The following TSLP variants were observed in gnomAD, a reference collection of about 807,000 sequenced individuals.
The protein encoded by TSLP is thymic stroma-derived lymphopoietin.
A neutral mutation model predicts 12.4 loss-of-function variants in TSLP; 12 were observed. The observed-to-expected ratio is 0.97, with a 90% confidence interval of 0.62 to 1.57. The LOEUF is 1.57. Among genes scored for constraint, TSLP ranks in the 40% most tolerant of loss-of-function variants. TSLP has a pLI of 0.00. For synonymous variants in TSLP, 97 were observed against 69.5 expected (o/e 1.40, Z -1.97); for missense variants, 222 against 189.6 (o/e 1.17, Z -1.00).
chr5:111,070,563 C>A (rs1055738875), upstream of TSLP: 2 of 152,652 alleles, frequency 1.3e-5, no homozygotes, highest in African/African-American at 4.8e-5. Context: ...CGGCCTTTCC[C>A]TCCCTTCAAC....
At position 111,076,173 on chromosome 5, in the gene TSLP, T is replaced by C; in HGVS notation, c.*99T>C. 1 of 1,362,496 alleles carries C rather than the reference T, an allele frequency of 7.3e-7. No individual in the cohort carries two copies. The highest frequency in any genetic ancestry group is 1.0e-6 in the Non-Finnish European group (1 of 977,970). 84.4% of individuals were successfully genotyped at this position (1,362,496 alleles called of 1,614,324 possible). A position where few individuals can be genotyped will look rare whatever the true frequency, so the allele number is the denominator to read the frequency against. ...TAACTGTGACAAAGAAGACCACAAA[T>C]AGTTATCTTTTAATTACAGAAGAGT... On this transcript the variant is annotated 3_prime_UTR_variant, in exon 4 of 4. Coordinates refer to ENST00000344895, the MANE Select transcript of TSLP (RefSeq NM_033035.5).
chr5:111,072,867 T>C (rs367641027), intron 1 of TSLP, 21 bp from the exon 2 acceptor site: 6 of 1,613,746 alleles, frequency 3.7e-6, no homozygotes, highest in African/African-American at 2.7e-5. Flanking sequence ...ACCCTCTTTG[T>C]CCTATTTTTC....
Position 111,073,526 on chromosome 5 carries a change from G to A in TSLP, c.232G>A (p.Glu78Lys). The change falls in exon 3 of 4, where the codon GAA becomes AAA. Residue 78 changes from glutamate to lysine, a missense_variant. By Grantham distance (56) the Glu-to-Lys change is moderately conservative. Coordinates refer to ENST00000344895, the MANE Select transcript of TSLP (RefSeq NM_033035.5). ...CTATGAGCAGCCACATTGCCTTACTGAAATCCAGAGCCTAACCTTCAATCC... is the reference window on the plus strand; with the variant it reads ...CTATGAGCAGCCACATTGCCTTACTAAAATCCAGAGCCTAACCTTCAATCC... Reference protein sequence around the residue: ...SCSNRPHCLTEIQSLTFNPTA... With the variant: ...SCSNRPHCLTKIQSLTFNPTA... The A allele has an allele frequency of 5.0e-6, 8 of 1,614,096 alleles. No homozygotes were observed. The highest frequency in any genetic ancestry group is 4.2e-6 in the Non-Finnish European group (5 of 1,180,030).
chr5:111,070,178 G>C (rs1319792775), upstream of TSLP: 1 of 152,330 alleles, frequency 6.6e-6, no homozygotes, highest in South Asian at 2.1e-4. Flanking sequence ...GTGAATCAGA[G>C]GTTTTCTGAC....
rs1307868352 is a variant in TSLP at position 111,076,766 on chromosome 5, T to C, written c.*692T>C. On this transcript the variant is annotated 3_prime_UTR_variant, in exon 4 of 4. Coordinates refer to ENST00000344895, the MANE Select transcript of TSLP (RefSeq NM_033035.5). The stretch of plus-strand genomic sequence containing the variant: ...GTTCCTTTGTAATTGACACTATATA[T>C]TTCTTAATAAAATAATTCTCAAATT... The C allele has an allele frequency of 2.0e-5, 3 of 152,230 alleles. No individual in the cohort carries two copies. The highest frequency in any genetic ancestry group is 4.4e-5 in the Non-Finnish European group (3 of 68,042). The allele number at this position is 152,230 out of a possible 1,614,324, so 9.4% of individuals were successfully genotyped here.
At position 111,073,392 on chromosome 5, in the gene TSLP, G is replaced by A. The variant is rs182160822; in HGVS notation, c.217-119G>A. On this transcript the variant is annotated intron_variant, in intron 2 of 3. Transcript: ENST00000344895. ...CCCTGACCTCTTCTCTCTGACTCTC[G>A]ACTTGTGTTCCCCGCTCCTCCCTGA... 3.2e-5 allele frequency: 49 copies of A among 1,552,516 alleles called. No homozygotes were observed. In the African/African-American group the frequency reaches 6.1e-4, roughly 19 times the overall value.
chr5:111,073,704 G>A, intron 3 of TSLP, 59 bp downstream of exon 3: 1 of 1,542,024 alleles, frequency 6.5e-7, no homozygotes, highest in Non-Finnish European at 8.9e-7. Context: ...ATTAAACTGG[G>A]GCTTTGGTGC....
Position 111,073,520 on chromosome 5 carries a change from C to T in TSLP, c.226C>T (p.Leu76Phe). The part of the protein sequence containing the change: ...TVSCSNRPHC[L>F]TEIQSLTFNP... ...TGCCGCCTATGAGCAGCCACATTGC[C>T]TTACTGAAATCCAGAGCCTAACCTT... Residue 76 changes from leucine to phenylalanine, a missense_variant, in exon 3 of 4, where the codon CTT becomes TTT. Leu to Phe is a conservative substitution (Grantham distance 22, BLOSUM62 0). Transcript: ENST00000344895. 6.2e-7 allele frequency: 1 copy of T among 1,614,154 alleles called. No individual in the cohort carries two copies. Among genetic ancestry groups the T allele is most frequent in the Non-Finnish European group, 8.5e-7 (1 of 1,180,032 alleles).
Position 111,073,827 on chromosome 5 carries a change from C to T in TSLP, c.351+182C>T, listed in dbSNP as rs193235933. On this transcript the variant is annotated intron_variant, in intron 3 of 3. Coordinates refer to ENST00000344895, the MANE Select transcript of TSLP (RefSeq NM_033035.5). ...CGTTGATACCCGGAATCAAACTCAC[C>T]TATTTCTACGGTTCTGATACTGTTT... is the stretch of plus-strand genomic sequence containing the variant. Among the ~76,000 whole-genome samples, 18 of 152,326 alleles carry T rather than the reference C, an allele frequency of 1.2e-4. No individual in the cohort carries two copies. The East Asian group carries it at 2.3e-3, about 20-fold the overall frequency.
chr5:111,072,149 A>G, intron 1 of TSLP, 88 bp downstream of exon 1: 3 of 1,169,082 alleles, frequency 2.6e-6, no homozygotes, highest in Non-Finnish European at 3.5e-6. Context: ...TGTAGGAAAG[A>G]AAAATAATTT....
chr5:111,075,955 AC>A lies in TSLP; in HGVS notation c.362del (p.Thr121IlefsTer4). The A allele has an allele frequency of 6.2e-7, 1 of 1,613,470 alleles. No homozygotes were observed. The highest frequency in any genetic ancestry group is 1.7e-5 in the Admixed American group (1 of 59,732). On this transcript the variant is annotated frameshift_variant, in exon 4 of 4. Transcript: ENST00000344895. LOFTEE classifies it low-confidence loss of function (END_TRUNC). ...PGYSETQINATQAMKKRRKRK... is the reference protein window; with the variant it reads ...PGYSETQINAXQAMKKRRKRK... ...TTCTTATATTCTGCAGATAAATGCT[AC>A]TCAGGCAATGAAGAAGAGGAGAAAA...
rs367774640 is a variant in TSLP, at chr5:111,073,676, C to T, written c.351+31C>T. On this transcript the variant is annotated intron_variant, in intron 3 of 3. Transcript: ENST00000344895. Reference sequence around the variant, plus strand: ...CCCGAAGCCTCAGACGTTTGCTGTACCTTGGGGCTAACCTCAAATTAAACT... The same window carrying T: ...CCCGAAGCCTCAGACGTTTGCTGTATCTTGGGGCTAACCTCAAATTAAACT... 18 of 1,602,412 alleles carry T rather than the reference C, an allele frequency of 1.1e-5. No individual in the cohort carries two copies. The African/African-American group carries it at 2.0e-4, about 18-fold the overall frequency.
Position 111,071,850 on chromosome 5 carries a change from A to G in TSLP, c.-41A>G, listed in dbSNP as rs766846474. 16 of 1,598,066 alleles carry G rather than the reference A, an allele frequency of 1.0e-5. No individual in the cohort carries two copies. Among genetic ancestry groups the G allele is most frequent in the Non-Finnish European group, 1.3e-5 (15 of 1,168,962 alleles). On this transcript the variant is annotated 5_prime_UTR_variant, in exon 1 of 4. Coordinates refer to ENST00000344895, the MANE Select transcript of TSLP (RefSeq NM_033035.5). ...CAGATCTCTTACACTCGTGGTGGGA[A>G]GAGTTTAGTGTGAAACTGGGGTGGA...
Position 111,071,777 on chromosome 5 carries a change from G to A in TSLP, c.-114G>A, listed in dbSNP as rs1468459767. The A allele has an allele frequency of 2.2e-6, 3 of 1,381,836 alleles. No individual in the cohort carries two copies. The highest frequency in any genetic ancestry group is 3.0e-6 in the Non-Finnish European group (3 of 1,006,526). 85.6% of individuals were successfully genotyped at this position (1,381,836 alleles called of 1,614,324 possible). On this transcript the variant is annotated 5_prime_UTR_variant, in exon 1 of 4. The change abolishes an upstream ATG in the 5' untranslated region. Transcript: ENST00000344895. ...TAAGGGCTTCCTGTGGACTGGCAAT[G>A]AGAGGCAAAACCTGGTGCTTGAGCA...
intron 3 of TSLP, among the ~76,000 whole-genome samples, chr5:111,074,871 G>A (rs1220514916): frequency 6.6e-6 from 1 of 151,998 alleles, no homozygotes; most frequent in African/African-American, 2.4e-5. Flanking sequence ...GCCTGCCTCG[G>A]CCTCCCAAAG....
chr5:111,072,798 T>A (rs1688392851), intron 1 of TSLP, 90 bp from the exon 2 acceptor site: 9 of 1,390,540 alleles, frequency 6.5e-6, no homozygotes, highest in Non-Finnish European at 9.2e-6. Context: ...TCAGGGCACC[T>A]TTAAAGCCTG....
At chr5:111,073,230 C>T (rs1020333754) in intron 2 of TSLP, 1 of 1,353,336 alleles carries the variant, frequency 7.4e-7, no homozygotes, top group Non-Finnish European at 9.7e-7. Flanking sequence ...CGCTCGGGCT[C>T]GGAATTTTGG....
At chr5:111,073,332 C>T (rs1752395411) in intron 2 of TSLP, 179 bp from the exon 3 acceptor site, 7 of 1,448,086 alleles carry the variant, frequency 4.8e-6, no homozygotes, top group Non-Finnish European at 1.8e-6. Context: ...CACGCCCCTG[C>T]TCCCCCGCGG....
intron 1 of TSLP, among the ~76,000 whole-genome samples, chr5:111,072,538 T>G (rs990977193): frequency 2.0e-5 from 3 of 152,172 alleles, no homozygotes; most frequent in Non-Finnish European, 4.4e-5. Flanking sequence ...TTTTCCTGAT[T>G]AACCTAATTT....
Sources: allele counts gnomAD v4.1 joint callset (sites outside exome capture counted in the v4.1 genomes callset), GRCh38; gene constraint gnomAD v4.1.1; transcripts MANE v1.5; gene names NCBI Gene and HGNC (gene_info 2026-07-23, HGNC 2026-07-21).